The following ZNF536 variants were observed in gnomAD, a reference collection of about 807,000 sequenced individuals.
The protein encoded by ZNF536 is zinc finger protein 536.
In ZNF536, 13 loss-of-function variants were observed where a neutral mutation model predicts 84.5. The observed-to-expected ratio is 0.15, with a 90% CI of 0.10 to 0.24. The LOEUF is 0.24. ZNF536 is among the 10% of genes least tolerant of loss of function. The pLI is 1.00. For missense variants in ZNF536, 1,536 were observed against 1,747.5 expected (o/e 0.88, Z 2.16); for synonymous variants, 811 against 742.5 (o/e 1.09, Z -1.50).
At chr19:30,345,233 C>G (rs1401906371) in intron 2 of ZNF536, among the ~76,000 whole-genome samples, 1 of 101,656 alleles carries the variant, frequency 9.8e-6, no homozygotes, top group Non-Finnish European at 2.0e-5. Flanking sequence ...GAGGACCACG[C>G]CCCGGGGGCT....
chr19:30,605,214 G>T (rs528454565), intron 1 of ZNF536, among the ~76,000 whole-genome samples: 1 of 151,992 alleles, frequency 6.6e-6, no homozygotes, highest in Non-Finnish European at 1.5e-5. Flanking sequence ...GTTTTGGGGG[G>T]TGCAGATGGT....
chr19:30,471,981 G>A lies in ZNF536; in HGVS notation c.2170+26249G>A, dbSNP rs189729759. Among the ~76,000 whole-genome samples the A allele has an allele frequency of 7.2e-5, 11 of 152,092 alleles. No individual in the cohort carries two copies. In the South Asian group the frequency reaches 1.2e-3, roughly 17 times the overall value. Reference sequence around the variant, plus strand: ...CATGAGCCTTTATGCTGGGCAAACCGAGGAGCTCCATTAGAGGGGGACACC... The same window carrying A: ...CATGAGCCTTTATGCTGGGCAAACCAAGGAGCTCCATTAGAGGGGGACACC... On this transcript the variant is annotated intron_variant, in intron 2 of 4. Coordinates refer to ENST00000355537, the MANE Select transcript of ZNF536 (RefSeq NM_014717.3).
At chr19:30,591,544 A>G (rs2047280206) in intron 1 of ZNF536, among the ~76,000 whole-genome samples, 1 of 152,154 alleles carries the variant, frequency 6.6e-6, no homozygotes, top group Non-Finnish European at 1.5e-5. Flanking sequence ...TGCCCCCACG[A>G]TTCAATTATC....
At chr19:30,710,503 G>A (rs946765817) in intron 1 of ZNF536, among the ~76,000 whole-genome samples, 1 of 152,186 alleles carries the variant, frequency 6.6e-6, no homozygotes, top group African/African-American at 2.4e-5. Context: ...TCGCACCACT[G>A]CACTCCCAGC....
At chr19:30,235,419 C>A (rs765127398) in intron 1 of ZNF536, among the ~76,000 whole-genome samples, 4 of 152,156 alleles carry the variant, frequency 2.6e-5, no homozygotes, top group Non-Finnish European at 4.4e-5. Flanking sequence ...AAATGTCAAC[C>A]GGAACTTGCT....
chr19:30,385,461 C>T (rs73020958), intron 1 of ZNF536, among the ~76,000 whole-genome samples: 1 of 151,974 alleles, frequency 6.6e-6, no homozygotes, highest in Non-Finnish European at 1.5e-5. Context: ...GCAGTGCTTC[C>T]TCTCTTCTCC....
intron 1 of ZNF536, among the ~76,000 whole-genome samples, chr19:30,630,291 A>T (rs904131813): frequency 6.6e-6 from 1 of 152,222 alleles, no homozygotes; most frequent in African/African-American, 2.4e-5. Flanking sequence ...GGTTGGTGCA[A>T]AAGTAATTGC....
intron 1 of ZNF536, among the ~76,000 whole-genome samples, chr19:30,600,398 G>A (rs1306409980): frequency 6.6e-6 from 1 of 152,100 alleles, no homozygotes; most frequent in Non-Finnish European, 1.5e-5. Flanking sequence ...CTGGCCGGCT[G>A]TTTATTAATC....
intron 1 of ZNF536, among the ~76,000 whole-genome samples, chr19:30,410,644 T>A (rs576949477): frequency 1.3e-5 from 2 of 152,034 alleles, no homozygotes; most frequent in African/African-American, 2.4e-5. Flanking sequence ...CCGGCTAATT[T>A]TTTTTTGTGT....
At chr19:30,253,734 G>T (rs944625945) in intron 1 of ZNF536, among the ~76,000 whole-genome samples, 1 of 152,086 alleles carries the variant, frequency 6.6e-6, no homozygotes, top group Non-Finnish European at 1.5e-5. Flanking sequence ...GTGGGGTGGC[G>T]CCGACAGCTC....
At chr19:30,492,861 C>G (rs1331306545) in intron 2 of ZNF536, among the ~76,000 whole-genome samples, 2 of 151,812 alleles carry the variant, frequency 1.3e-5, no homozygotes, top group Non-Finnish European at 3.0e-5. Context: ...ACCAGGTTCA[C>G]AGACCACAGA....
chr19:30,709,955 T>C (rs1027110285), intron 1 of ZNF536, among the ~76,000 whole-genome samples: 5 of 152,078 alleles, frequency 3.3e-5, no homozygotes, highest in African/African-American at 1.2e-4. Flanking sequence ...TAGGAATGGT[T>C]TTTCCATTTT....
intron 2 of ZNF536, among the ~76,000 whole-genome samples, chr19:30,318,694 G>A (rs1057499769): frequency 5.9e-5 from 9 of 152,220 alleles, no homozygotes; most frequent in Non-Finnish European, 1.2e-4. Flanking sequence ...TGTGCATGGC[G>A]CACATGTGTG....
At chr19:30,594,148 G>A (rs940219386) in intron 1 of ZNF536, among the ~76,000 whole-genome samples, 2 of 152,166 alleles carry the variant, frequency 1.3e-5, no homozygotes, top group African/African-American at 4.8e-5. Flanking sequence ...CAATCAATAG[G>A]CGTTCAATCC....
chr19:30,701,220 C>T (rs2051941566), intron 1 of ZNF536, among the ~76,000 whole-genome samples: 1 of 148,490 alleles, frequency 6.7e-6, no homozygotes, highest in Non-Finnish European at 1.5e-5. Context: ...CACACACACG[C>T]AAACACACAC....
At chr19:30,375,173 C>T (rs1207295620) in intron 1 of ZNF536, among the ~76,000 whole-genome samples, 5 of 149,990 alleles carry the variant, frequency 3.3e-5, no homozygotes, top group African/African-American at 1.2e-4. Flanking sequence ...GCCGCCGAGC[C>T]TCCCGCCGCC....
intron 2 of ZNF536, among the ~76,000 whole-genome samples, chr19:30,485,694 G>T (rs910785720): frequency 7.5e-6 from 1 of 134,208 alleles, no homozygotes; most frequent in African/African-American, 3.6e-5. Flanking sequence ...GGAAGCAGGC[G>T]GTGGGGTGGG....
intron 3 of ZNF536, among the ~76,000 whole-genome samples, chr19:30,543,771 T>C (rs1399424795): frequency 2.0e-5 from 3 of 152,124 alleles, no homozygotes; most frequent in Non-Finnish European, 4.4e-5. Context: ...GCCAACGTTG[T>C]AAGTAGTTTG....
At chr19:30,643,659 G>C (rs1050961004) in intron 1 of ZNF536, among the ~76,000 whole-genome samples, 12 of 146,908 alleles carry the variant, frequency 8.2e-5, no homozygotes, top group African/African-American at 3.3e-4. Flanking sequence ...AATTTCTGCA[G>C]GGGGGGGTTT....
Sources: gnomAD v4.1 joint callset for allele counts (sites outside exome capture counted in the v4.1 genomes callset) on GRCh38, gnomAD v4.1.1 for gene constraint, MANE v1.5 for transcripts, NCBI Gene and HGNC (gene_info 2026-07-23, HGNC 2026-07-21) for gene names.